Variants in ASTN2 observed in about 807,000 individuals in gnomAD.
ASTN2 encodes astrotactin-2.
Under a neutral mutation model 139.8 loss-of-function variants are expected in ASTN2, and 54 were observed. The ratio of observed to expected loss-of-function variants is 0.39; its 90% confidence interval spans 0.31 to 0.48. The LOEUF is 0.48. Among genes scored for constraint, ASTN2 ranks in the 20% least tolerant of loss-of-function variants. The pLI is 0.95. For missense variants in ASTN2, 1,565 were observed against 1,725.1 expected (o/e 0.91, Z 1.64); for synonymous variants, 756 against 719.5 (o/e 1.05, Z -0.81).
At chr9:117,061,901 T>C (rs998225859) in intron 5 of ASTN2, among the ~76,000 whole-genome samples, 1 of 152,208 alleles carries the variant, frequency 6.6e-6, no homozygotes, top group Non-Finnish European at 1.5e-5. Context: ...ACCTACCATA[T>C]GCCACATAGT....
At chr9:116,600,439 A>G (rs1313646355) in intron 19 of ASTN2, among the ~76,000 whole-genome samples, 1 of 152,130 alleles carries the variant, frequency 6.6e-6, no homozygotes, top group East Asian at 1.9e-4. Flanking sequence ...CTGTCATTAC[A>G]CTGGCAGTGA....
At chr9:116,670,610 C>T (rs896140010) in intron 16 of ASTN2, among the ~76,000 whole-genome samples, 5 of 152,202 alleles carry the variant, frequency 3.3e-5, no homozygotes, top group Admixed American at 3.3e-4. Flanking sequence ...GGCAGTCTTA[C>T]AGATGTCAGT....
At chr9:116,851,657 T>C (rs1049130315) in intron 11 of ASTN2, among the ~76,000 whole-genome samples, 3 of 152,104 alleles carry the variant, frequency 2.0e-5, no homozygotes, top group South Asian at 2.1e-4. Context: ...TATGTGCATA[T>C]AATAATTTCA....
At chr9:116,670,987 A>G (rs1269098068) in intron 16 of ASTN2, among the ~76,000 whole-genome samples, 1 of 149,670 alleles carries the variant, frequency 6.7e-6, no homozygotes, top group Admixed American at 6.6e-5. Context: ...ACTAGAAAGG[A>G]AAAAAAATGT....
chr9:116,507,164 T>A (rs547372363), intron 19 of ASTN2, among the ~76,000 whole-genome samples: 9 of 152,244 alleles, frequency 5.9e-5, no homozygotes, highest in African/African-American at 1.9e-4. Context: ...AGACGCAACA[T>A]CAGTGAGCGT....
chr9:116,666,949 C>CTTTTT (rs34835904), intron 16 of ASTN2, among the ~76,000 whole-genome samples: 15 of 70,382 alleles, frequency 2.1e-4, no homozygotes, highest in East Asian at 4.6e-4. Flanking sequence ...TTTATTTATT[C>CTTTTT]TTTTTTTTTT....
intron 13 of ASTN2, among the ~76,000 whole-genome samples, chr9:116,793,805 C>CTT (rs1830617298): frequency 1.3e-5 from 2 of 152,106 alleles, no homozygotes; most frequent in Non-Finnish European, 2.9e-5. Flanking sequence ...TGGTTTGTAC[C>CTT]TTAGAGTTTG....
At position 116,557,855 on chromosome 9, in the gene ASTN2, T is replaced by C. The variant is rs190723717; in HGVS notation, c.3355+60469A>G. On this transcript the variant is annotated intron_variant, in intron 19 of 22. Coordinates refer to ENST00000313400, the MANE Select transcript of ASTN2 (RefSeq NM_001365068.1). ...AAACTTCATAACAAACAAGCAAACA[T>C]AGACCTCTCATGTGGTTCTTGGGGT... is the stretch of plus-strand genomic sequence containing the variant. Among the ~76,000 whole-genome samples the C allele has an allele frequency of 4.6e-5, 7 of 152,300 alleles. No individual in the cohort carries two copies. In the East Asian group the frequency reaches 1.2e-3, roughly 25 times the overall value.
At chr9:116,828,788 G>C (rs986207295) in intron 11 of ASTN2, among the ~76,000 whole-genome samples, 1 of 152,044 alleles carries the variant, frequency 6.6e-6, no homozygotes, top group Non-Finnish European at 1.5e-5. Flanking sequence ...TGATAGTATT[G>C]TCTTATATCT....
intron 10 of ASTN2, among the ~76,000 whole-genome samples, chr9:116,939,988 T>C (rs191572214): frequency 6.6e-6 from 1 of 152,328 alleles, no homozygotes; most frequent in Admixed American, 6.5e-5. Flanking sequence ...TATGCAAGCC[T>C]ACCACACTCT....
intron 19 of ASTN2, among the ~76,000 whole-genome samples, chr9:116,533,339 G>T (rs1344754236): frequency 1.3e-5 from 2 of 152,032 alleles, no homozygotes; most frequent in African/African-American, 4.8e-5. Flanking sequence ...TTTCCTAATT[G>T]AATACCCTTT....
At chr9:116,566,262 A>C (rs1353406979) in intron 19 of ASTN2, among the ~76,000 whole-genome samples, 1 of 152,000 alleles carries the variant, frequency 6.6e-6, no homozygotes, top group Non-Finnish European at 1.5e-5. Context: ...GTTCTTTCAT[A>C]TGTTGGGCCT....
At chr9:117,251,248 T>C (rs1588133969) in intron 2 of ASTN2, among the ~76,000 whole-genome samples, 1 of 152,166 alleles carries the variant, frequency 6.6e-6, no homozygotes, top group East Asian at 1.9e-4. Context: ...CTGTGGCTTG[T>C]TCACTTCCTT....
intron 10 of ASTN2, among the ~76,000 whole-genome samples, chr9:116,925,334 A>T (rs2132442352): frequency 6.6e-6 from 1 of 152,260 alleles, no homozygotes; most frequent in East Asian, 1.9e-4. Context: ...TATGAGGAGG[A>T]GTGAGGAGTC....
At chr9:116,594,803 G>C (rs547767899) in intron 19 of ASTN2, among the ~76,000 whole-genome samples, 1 of 152,208 alleles carries the variant, frequency 6.6e-6, no homozygotes, top group African/African-American at 2.4e-5. Flanking sequence ...GATATGACCT[G>C]GCTCAGAGCT....
At chr9:117,398,278 T>C (rs1376262453) in intron 1 of ASTN2, among the ~76,000 whole-genome samples, 1 of 152,168 alleles carries the variant, frequency 6.6e-6, no homozygotes, top group Non-Finnish European at 1.5e-5. Context: ...CCAAAAAATG[T>C]GGAAGGAACA....
At chr9:116,776,884 G>A (rs922020014) in intron 13 of ASTN2, among the ~76,000 whole-genome samples, 4 of 152,160 alleles carry the variant, frequency 2.6e-5, no homozygotes, top group Non-Finnish European at 5.9e-5. Flanking sequence ...AATAGTGAGC[G>A]ATAAGGGACA....
intron 5 of ASTN2, among the ~76,000 whole-genome samples, chr9:117,054,407 A>T (rs1838999423): frequency 6.6e-6 from 1 of 152,194 alleles, no homozygotes; most frequent in South Asian, 2.1e-4. Flanking sequence ...CATTCATTCA[A>T]CAAATATATA....
Position 117,414,710 on chromosome 9 carries a change from G to C in ASTN2, c.229C>G (p.Arg77Gly). The C allele has an allele frequency of 7.9e-7, 1 of 1,258,540 alleles. No homozygotes were observed. The allele number at this position is 1,258,540 out of a possible 1,614,324, so 78.0% of individuals were successfully genotyped here. Residue 77 changes from arginine (R) to glycine (G), a missense_variant, in exon 1 of 23, where the codon CGG (arginine) becomes GGG (glycine). By Grantham distance (125) the Arg-to-Gly change is moderately radical. Coordinates refer to ENST00000313400, the MANE Select transcript of ASTN2 (RefSeq NM_001365068.1). The surrounding 1 kb of genome is among the most constrained non-coding windows in gnomAD (Gnocchi z 4.2). ...TVTVSTLPALRESDIGWSGAR... is the reference protein window; with the variant it reads ...TVTVSTLPALGESDIGWSGAR... ...CCGCTCCAGCCGATGTCGCTCTCCC[G>C]CAGGGCGGGCAGTGTGGACACCGTG...
Sources: gnomAD v4.1 joint callset for allele counts (sites outside exome capture counted in the v4.1 genomes callset) on GRCh38, gnomAD v4.1.1 for gene constraint, Gnocchi (gnomAD v3.1) non-coding constraint, MANE v1.5 for transcripts, NCBI Gene and HGNC (gene_info 2026-07-23, HGNC 2026-07-21) for gene names.